The following CDH4 variants were observed in gnomAD, a reference collection of about 807,000 sequenced individuals.
CDH4 encodes the protein cadherin 4, also known as cadherin-4.
In CDH4, 33 loss-of-function variants were observed where a neutral mutation model predicts 86.0. The observed-to-expected ratio is 0.38, with a 90% CI of 0.29 to 0.51. The LOEUF is 0.51. Ranked by LOEUF, CDH4 falls within the 20% of genes least tolerant of loss-of-function variation. The pLI, the probability that CDH4 is intolerant of heterozygous loss-of-function variation, is 0.86. For synonymous variants in CDH4, 555 were observed against 549.4 expected, an observed-to-expected ratio of 1.01 and a Z score of -0.14; for missense variants, 1,114 against 1,307.4, an observed-to-expected ratio of 0.85 and a Z score of 2.28.
At chr20:61,840,482 C>A (rs947156075) in intron 4 of CDH4, among the ~76,000 whole-genome samples, 4 of 152,218 alleles carry the variant, frequency 2.6e-5, no homozygotes, top group African/African-American at 9.6e-5. Flanking sequence ...GAGAACCGGC[C>A]TTCCAAGCAG....
chr20:61,442,647 T>A (rs1600685296), intron 2 of CDH4, among the ~76,000 whole-genome samples: 1 of 152,250 alleles, frequency 6.6e-6, no homozygotes, highest in South Asian at 2.1e-4. Flanking sequence ...GGTGCTTGCC[T>A]GCACCCAGTG....
chr20:61,562,084 G>A (rs1171192814), intron 2 of CDH4, among the ~76,000 whole-genome samples: 2 of 128,174 alleles, frequency 1.6e-5, no homozygotes, highest in Non-Finnish European at 3.2e-5. Flanking sequence ...GGGCCTCCGT[G>A]TGGAGAGGTG....
chr20:61,783,517 C>T (rs117361902), intron 4 of CDH4, among the ~76,000 whole-genome samples: 3,465 of 150,274 alleles, frequency 0.023, 118 homozygotes, highest in Non-Finnish European at 0.035. Flanking sequence ...AATCCCAGTT[C>T]CTTGGGATAG....
At chr20:61,505,550 C>T (rs951549073) in intron 2 of CDH4, among the ~76,000 whole-genome samples, 2 of 152,130 alleles carry the variant, frequency 1.3e-5, no homozygotes, top group Non-Finnish European at 2.9e-5. Flanking sequence ...CAGTGTGGAC[C>T]AGGGAAAAAG....
chr20:61,909,874 T>G (rs1892901457), intron 8 of CDH4, among the ~76,000 whole-genome samples: 1 of 152,194 alleles, frequency 6.6e-6, no homozygotes, highest in Non-Finnish European at 1.5e-5. Context: ...GGTGGAAACT[T>G]TGGGACCTGG....
chr20:61,760,966 T>C (rs2088626245), intron 3 of CDH4, among the ~76,000 whole-genome samples: 1 of 152,240 alleles, frequency 6.6e-6, no homozygotes, highest in Non-Finnish European at 1.5e-5. Flanking sequence ...TTTTAGTGTG[T>C]GTTTGTTGAA....
chr20:61,819,365 G>A (rs1980897813), intron 4 of CDH4, among the ~76,000 whole-genome samples: 1 of 152,226 alleles, frequency 6.6e-6, no homozygotes, highest in South Asian at 2.1e-4. Flanking sequence ...AGATGCATGA[G>A]CACGCGTCGC....
chr20:61,302,542 C>T (rs1306913894), intron 2 of CDH4, among the ~76,000 whole-genome samples: 3 of 150,024 alleles, frequency 2.0e-5, no homozygotes, highest in Non-Finnish European at 4.4e-5. Flanking sequence ...GAGGGTCTGA[C>T]TGAGGTTGGG....
chr20:61,285,021 TTC>T (rs2084285308), intron 2 of CDH4, among the ~76,000 whole-genome samples: 2 of 152,224 alleles, frequency 1.3e-5, no homozygotes, highest in African/African-American at 4.8e-5. Flanking sequence ...TTGCTGCTGC[TTC>T]TCTACTTTAT....
chr20:61,694,406 C>G, intron 2 of CDH4, among the ~76,000 whole-genome samples: 1 of 152,252 alleles, frequency 6.6e-6, no homozygotes, highest in Middle Eastern at 3.4e-3. Flanking sequence ...AAAATCACTT[C>G]GCAGGGTGGT....
intron 2 of CDH4, among the ~76,000 whole-genome samples, chr20:61,540,031 C>G (rs879526485): frequency 6.6e-6 from 1 of 152,164 alleles, no homozygotes; most frequent in East Asian, 1.9e-4. Flanking sequence ...GGAGGCAATT[C>G]GATCCGATTG....
rs566497041 is a variant in CDH4 at position 61,742,176 on chromosome 20, G to A, written c.170-1387G>A. Among the ~76,000 whole-genome samples the A allele has an allele frequency of 3.0e-4, 46 of 151,098 alleles. 1 individual carries two copies. Among genetic ancestry groups the A allele is most frequent in the Non-Finnish European group, 6.1e-4 (41 of 67,668 alleles). On this transcript the variant is annotated intron_variant, in intron 2 of 15. Transcript: ENST00000614565. ...CCGTCCTTAGAAGGGGAACAGATCCGGGGAGCCACAGCAGACCCTTGCCTG... is the reference window on the plus strand; with the variant it reads ...CCGTCCTTAGAAGGGGAACAGATCCAGGGAGCCACAGCAGACCCTTGCCTG...
At chr20:61,537,450 AG>A (rs1393157098) in intron 2 of CDH4, among the ~76,000 whole-genome samples, 1 of 152,154 alleles carries the variant, frequency 6.6e-6, no homozygotes, top group African/African-American at 2.4e-5. Flanking sequence ...GGCCCAGGCC[AG>A]CTCGGGAGGG....
chr20:61,667,313 G>A (rs1228099299), intron 2 of CDH4, among the ~76,000 whole-genome samples: 1 of 152,178 alleles, frequency 6.6e-6, no homozygotes, highest in Non-Finnish European at 1.5e-5. Flanking sequence ...GCCCACCCTG[G>A]GGCTCCGCAT....
intron 6 of CDH4, among the ~76,000 whole-genome samples, 196 bp downstream of exon 6, chr20:61,853,094 A>G (rs948824378): frequency 5.3e-5 from 8 of 152,148 alleles, no homozygotes; most frequent in African/African-American, 1.9e-4. Flanking sequence ...GGGGTTGCAG[A>G]CCACAGGTGA....
intron 4 of CDH4, among the ~76,000 whole-genome samples, chr20:61,792,975 GT>G (rs1342600001): frequency 6.6e-6 from 1 of 150,580 alleles, no homozygotes; most frequent in African/African-American, 2.4e-5. Context: ...TTTTGTTTTT[GT>G]TTTTGAGACA....
At chr20:61,609,178 C>T (rs190556684) in intron 2 of CDH4, among the ~76,000 whole-genome samples, 2 of 152,222 alleles carry the variant, frequency 1.3e-5, no homozygotes, top group Non-Finnish European at 2.9e-5. Context: ...CTCAGTATGT[C>T]TCTCTGAATC....
At chr20:61,735,960 G>A (rs2088257649) in intron 2 of CDH4, among the ~76,000 whole-genome samples, 1 of 152,176 alleles carries the variant, frequency 6.6e-6, no homozygotes, top group South Asian at 2.1e-4. Flanking sequence ...GCAAGGCTAG[G>A]AAAGGCCGTA....
At chr20:61,794,949 T>C (rs1453833123) in intron 4 of CDH4, among the ~76,000 whole-genome samples, 1 of 151,816 alleles carries the variant, frequency 6.6e-6, no homozygotes, top group Non-Finnish European at 1.5e-5. Flanking sequence ...TCCTAATGTT[T>C]GTCAGAGTTT....
Sources: allele counts gnomAD v4.1 joint callset (sites outside exome capture counted in the v4.1 genomes callset), GRCh38; gene constraint gnomAD v4.1.1; transcripts MANE v1.5; gene names NCBI Gene and HGNC (gene_info 2026-07-23, HGNC 2026-07-21).